SEMA3E: variants seen among roughly 807,000 people sequenced by gnomAD.
SEMA3E encodes the protein semaphorin-3E.
In SEMA3E, 49 loss-of-function variants were observed where a neutral mutation model predicts 93.6. The observed-to-expected ratio is 0.52, with a 90% CI of 0.42 to 0.66. The LOEUF (loss-of-function observed/expected upper bound fraction) is 0.66. Among genes scored for constraint, SEMA3E ranks in the 30% least tolerant of loss-of-function variants. The pLI, the probability that SEMA3E is intolerant of heterozygous loss-of-function variation, is 0.00. For missense variants in SEMA3E, 906 were observed against 964.8 expected (o/e 0.94, Z 0.81); for synonymous variants, 363 against 330.7 (o/e 1.10, Z -1.06).
intron 4 of SEMA3E, among the ~76,000 whole-genome samples, chr7:83,438,900 T>G (rs992815370): frequency 6.6e-6 from 1 of 152,186 alleles, no homozygotes; most frequent in Non-Finnish European, 1.5e-5. Flanking sequence ...AAGAACCATC[T>G]TGACTCCAAG....
intron 9 of SEMA3E, among the ~76,000 whole-genome samples, chr7:83,404,397 AC>A (rs1562766587): frequency 6.6e-6 from 1 of 151,912 alleles, no homozygotes; most frequent in Non-Finnish European, 1.5e-5. Flanking sequence ...TAATTATATG[AC>A]AGTTTATGGC....
intron 4 of SEMA3E, among the ~76,000 whole-genome samples, chr7:83,427,240 TTC>T (rs1788792518): frequency 6.6e-6 from 1 of 151,878 alleles, no homozygotes; most frequent in Non-Finnish European, 1.5e-5. Context: ...TCCTTTCTCT[TTC>T]TTTTTCTTCA....
At chr7:83,572,664 C>CA (rs200504023) in intron 1 of SEMA3E, among the ~76,000 whole-genome samples, 1,540 of 150,908 alleles carry the variant, frequency 0.01, 17 homozygotes, top group African/African-American at 0.022. Flanking sequence ...AACAAAAAAA[C>CA]AAAAAAAACA....
At chr7:83,611,241 C>A (rs1793247440) in intron 1 of SEMA3E, among the ~76,000 whole-genome samples, 1 of 142,986 alleles carries the variant, frequency 7.0e-6, no homozygotes, top group African/African-American at 2.6e-5. Flanking sequence ...CCAGATCACT[C>A]CATATATATT....
intron 1 of SEMA3E, among the ~76,000 whole-genome samples, chr7:83,525,366 A>C (rs1209512344): frequency 6.6e-6 from 1 of 151,974 alleles, no homozygotes; most frequent in Non-Finnish European, 1.5e-5. Context: ...GTTTGTTTTC[A>C]TCCATTGTAC....
chr7:83,570,647 C>A (rs1400692360), intron 1 of SEMA3E, among the ~76,000 whole-genome samples: 1 of 149,964 alleles, frequency 6.7e-6, no homozygotes. Context: ...GAAACCAAGC[C>A]CGAAGTTAGC....
chr7:83,564,717 T>C (rs906021745), intron 1 of SEMA3E, among the ~76,000 whole-genome samples: 2 of 152,202 alleles, frequency 1.3e-5, no homozygotes, highest in Admixed American at 6.5e-5. Context: ...CCTGACTTGG[T>C]ATCTGACTTA....
At chr7:83,394,169 T>A (rs1562760983) in intron 13 of SEMA3E, 128 bp downstream of exon 13, 1 of 1,030,440 alleles carries the variant, frequency 9.7e-7, no homozygotes, top group Admixed American at 2.6e-5. Flanking sequence ...AATAAAGTAA[T>A]AAAAGAAAAA....
At position 83,648,606 on chromosome 7, in the gene SEMA3E, G is replaced by T; in HGVS notation, c.-64C>A. 1 of 1,234,236 alleles carries T rather than the reference G, an allele frequency of 8.1e-7. No individual in the cohort carries two copies. Among genetic ancestry groups the T allele is most frequent in the Non-Finnish European group, 1.2e-6 (1 of 844,852 alleles). The allele number at this position is 1,234,236 out of a possible 1,614,324, so 76.5% of individuals were successfully genotyped here. A position where few individuals can be genotyped will look rare whatever the true frequency, so the allele number is the denominator to read the frequency against. On this transcript the variant is annotated 5_prime_UTR_variant, in exon 1 of 17. Coordinates refer to ENST00000643230, the MANE Select transcript of SEMA3E (RefSeq NM_012431.3). Reference sequence around the variant, plus strand: ...TAAGGAGGGTCTGAGTTTTACTTAGGACTTCCCTCCAGGGGCAGCGTGCGA... The same window carrying T: ...TAAGGAGGGTCTGAGTTTTACTTAGTACTTCCCTCCAGGGGCAGCGTGCGA...
intron 4 of SEMA3E, among the ~76,000 whole-genome samples, chr7:83,420,230 T>C (rs1788646508): frequency 6.6e-6 from 1 of 152,026 alleles, no homozygotes; most frequent in Non-Finnish European, 1.5e-5. Flanking sequence ...CAAATACATC[T>C]AAGCAAGGAG....
chr7:83,466,358 C>G, intron 4 of SEMA3E, 124 bp downstream of exon 4: 1 of 1,177,614 alleles, frequency 8.5e-7, no homozygotes, highest in South Asian at 1.3e-5. Context: ...CTGTCTCAAG[C>G]AAACTGATTC....
chr7:83,521,665 G>T (rs1351207874), intron 1 of SEMA3E, among the ~76,000 whole-genome samples: 1 of 152,040 alleles, frequency 6.6e-6, no homozygotes, highest in African/African-American at 2.4e-5. Context: ...TCCTGGTGTG[G>T]GTTTTCTTCC....
chr7:83,600,486 ATTTTTTTTTTTTTTTTTTTTTT>A (rs71522671), intron 1 of SEMA3E, among the ~76,000 whole-genome samples: 2 of 63,050 alleles, frequency 3.2e-5, no homozygotes, highest in Admixed American at 2.5e-4. Context: ...CGCCCAGCTA[ATTTTTTTTTTTTTTTTTTTTTT>A]TTTTTTTTTT....
intron 1 of SEMA3E, among the ~76,000 whole-genome samples, chr7:83,623,950 C>T (rs1306491313): frequency 6.6e-6 from 1 of 151,732 alleles, no homozygotes; most frequent in Non-Finnish European, 1.5e-5. Flanking sequence ...GTTCAACTCC[C>T]ACTTATGAGT....
intron 1 of SEMA3E, among the ~76,000 whole-genome samples, chr7:83,568,905 A>G (rs1792217579): frequency 6.6e-6 from 1 of 152,088 alleles, no homozygotes; most frequent in Admixed American, 6.5e-5. Flanking sequence ...AAGAACAACA[A>G]AAGGGATCTA....
In SEMA3E at chr7:83,530,908, G is replaced by A. The variant is rs115930681; in HGVS notation, c.116-40634C>T. ...AAAAAAAAATTCAAGGTTCTAGATA[G>A]TCAGCAGACATGAATTTGATGTAGT... On this transcript the variant is annotated intron_variant, in intron 1 of 16. Transcript: ENST00000643230. Among the ~76,000 whole-genome samples, 1,364 of 152,118 alleles carry A rather than the reference G, an allele frequency of 9.0e-3. 24 individuals carry two copies. Among genetic ancestry groups the A allele is most frequent in the African/African-American group, 0.031 (1,297 of 41,522 alleles).
At chr7:83,632,792 G>C (rs541836747) in intron 1 of SEMA3E, among the ~76,000 whole-genome samples, 1 of 152,280 alleles carries the variant, frequency 6.6e-6, no homozygotes, top group South Asian at 2.1e-4. Flanking sequence ...AATGATTTGA[G>C]ATTAGGTAGG....
Position 83,407,182 on chromosome 7 carries a change from T to G in SEMA3E, c.728A>C (p.Lys243Thr). 1 of 1,613,556 alleles carries G rather than the reference T, an allele frequency of 6.2e-7. No homozygotes were observed. The highest frequency in any genetic ancestry group is 8.5e-7 in the Non-Finnish European group (1 of 1,179,772). The change falls in exon 7 of 17, where the codon AAA (lysine) becomes ACA (threonine). Residue 243 changes from lysine to threonine, a missense_variant. Lys to Thr is a moderately conservative substitution (Grantham distance 78, BLOSUM62 -1). Transcript: ENST00000643230. The part of the protein sequence containing the change: ...IPDNEDRDDN[K>T]VYFFFTEKAL... ...CTTCTCAGTAAAAAAGAAATATACTTTGTTGTCATCTCTGTCTTCATTGTC... is the reference window on the plus strand; with the variant it reads ...CTTCTCAGTAAAAAAGAAATATACTGTGTTGTCATCTCTGTCTTCATTGTC...
chr7:83,519,517 A>C (rs1026797387), intron 1 of SEMA3E, among the ~76,000 whole-genome samples: 1 of 152,122 alleles, frequency 6.6e-6, no homozygotes, highest in African/African-American at 2.4e-5. Context: ...CATGTTTATC[A>C]TATCTCTGTG....
Sources: gnomAD v4.1 joint callset for allele counts (sites outside exome capture counted in the v4.1 genomes callset) on GRCh38, gnomAD v4.1.1 for gene constraint, MANE v1.5 for transcripts, NCBI Gene and HGNC (gene_info 2026-07-23, HGNC 2026-07-21) for gene names.